Variants in BCORL1 observed in about 807,000 individuals in gnomAD.
The protein encoded by BCORL1 is BCL6 corepressor like 1, also known as BCL-6 corepressor-like protein 1.
BCORL1 carries 7 observed loss-of-function variants against 87.6 expected under a neutral mutation model. The observed-to-expected ratio is 0.08, with a 90% CI of 0.05 to 0.15. The LOEUF (loss-of-function observed/expected upper bound fraction) is 0.15. Among genes scored for constraint, BCORL1 ranks in the 10% least tolerant of loss-of-function variants. The pLI, the probability that BCORL1 is intolerant of heterozygous loss-of-function variation, is 1.00. For synonymous variants in BCORL1, 591 were observed against 634.4 expected (o/e 0.93, Z 1.03); for missense variants, 1,215 against 1,499.7 (o/e 0.81, Z 3.13).
At chrX:130,043,778 A>ATT (rs1378667985) in intron 11 of BCORL1, among the ~76,000 whole-genome samples, 2 of 21,880 alleles carry the variant, frequency 9.1e-5, no homozygotes, top group African/African-American at 3.4e-4. Context: ...ATATATATAT[A>ATT]TATATATTTT....
At position 130,025,249 on chromosome X, in the gene BCORL1, G is replaced by C; in HGVS notation, c.3948G>C (p.Glu1316Asp). ...EAARQMWDTN[E>D]EEEEEEEEGL... ...CCCGGCAAATGTGGGACACCAATGA[G>C]GAGGAGGAGGAAGAAGAGGAGGAGG... The change falls in exon 7 of 14, where the codon GAG becomes GAC. Residue 1316 changes from glutamate (E) to aspartate (D), a missense_variant. By Grantham distance (45) the Glu-to-Asp change is conservative. Transcript: ENST00000540052. 1 of 1,208,286 alleles carries C rather than the reference G, an allele frequency of 8.3e-7. No homozygotes were observed. Among genetic ancestry groups the C allele is most frequent in the African/African-American group, 1.7e-5 (1 of 57,625 alleles).
At chrX:130,023,669 C>T (rs1376015747) in intron 6 of BCORL1, among the ~76,000 whole-genome samples, 2 of 112,172 alleles carry the variant, frequency 1.8e-5, no homozygotes, top group Non-Finnish European at 3.8e-5. Flanking sequence ...AATTGGGGCT[C>T]ATAATGATGG....
intron 2 of BCORL1, among the ~76,000 whole-genome samples, chrX:130,012,156 G>C (rs754481936): frequency 4.5e-5 from 5 of 111,962 alleles, no homozygotes; most frequent in Non-Finnish European, 7.5e-5. Context: ...AAATAAGATT[G>C]TATTTAAAAG....
At chrX:129,989,504 T>C (rs1369405549) in intron 1 of BCORL1, among the ~76,000 whole-genome samples, 1 of 84,266 alleles carries the variant, frequency 1.2e-5, no homozygotes, top group Admixed American at 1.5e-4. Context: ...TCTAGCTCTG[T>C]TGCCCAGGCT....
In BCORL1 at chrX:130,043,746, TTA is replaced by T. The variant is rs55637661; in HGVS notation, c.4840+4502_4840+4503del. ...CCCGCCACCATGCCCAGCTAATTTG[TTA>T]TATATATATATATATATATATATAT... On this transcript the variant is annotated intron_variant, in intron 11 of 13. Coordinates refer to ENST00000540052, the MANE Select transcript of BCORL1 (RefSeq NM_001379451.1). Among the ~76,000 whole-genome samples, 72 of 17,466 alleles carry T rather than the reference TTA, an allele frequency of 4.1e-3. 1 individual carries two copies. Among genetic ancestry groups the T allele is most frequent in the South Asian group, 6.2e-3 (1 of 161 alleles). The allele number at this position is 17,466 out of a possible 115,157, so 15.2% of individuals were successfully genotyped here. A position where few individuals can be genotyped will look rare whatever the true frequency, so the allele number is the denominator to read the frequency against.
At chrX:130,011,304 C>A (rs1242582445) in intron 2 of BCORL1, among the ~76,000 whole-genome samples, 1 of 109,687 alleles carries the variant, frequency 9.1e-6, no homozygotes, top group Non-Finnish European at 1.9e-5. Flanking sequence ...GTGGTGGGAT[C>A]TCGGCTCACT....
intron 2 of BCORL1, 62 bp from the exon 3 acceptor site, chrX:130,012,516 A>AGGTGGTGT: frequency 1.0e-6 from 1 of 982,333 alleles, no homozygotes. Flanking sequence ...ATTCTGGGGA[A>AGGTGGTGT]GGTGGTGTTG....
At chrX:130,016,847 G>A (rs1312572806) in intron 4 of BCORL1, among the ~76,000 whole-genome samples, 1 of 111,849 alleles carries the variant, frequency 8.9e-6, no homozygotes, top group Non-Finnish European at 1.9e-5. Context: ...GCTATGGATG[G>A]TGGCAGAGTT....
At position 130,013,127 on chromosome X, in the gene BCORL1, G is replaced by A. The variant is rs751380690; in HGVS notation, c.355G>A (p.Gly119Arg). The A allele has an allele frequency of 2.5e-6, 3 of 1,210,673 alleles. No individual in the cohort carries two copies. The highest frequency in any genetic ancestry group is 3.4e-6 in the Non-Finnish European group (3 of 894,399). ...EGLLVPLSSP[G>R]DGLKLPASDS... ...CCTCTTGGTGCCCCTGAGCAGCCCA[G>A]GAGACGGGCTCAAGCTTCCCGCATC... The change falls in exon 4 of 14, where the codon GGA becomes AGA. Residue 119 changes from glycine to arginine, a missense_variant. Gly to Arg is a moderately radical substitution (Grantham distance 125). Around this residue, in one of 5 missense-constraint regions of BCORL1, gnomAD observed 861 missense variants for 1,010.0 expected, o/e 0.85. Transcript: ENST00000540052.
At chrX:130,030,670 C>T (rs373718580) in intron 8 of BCORL1, among the ~76,000 whole-genome samples, 73 of 111,210 alleles carry the variant, frequency 6.6e-4, no homozygotes, top group African/African-American at 2.3e-3. Context: ...AAAAGGTGGG[C>T]GTCTCAGGCT....
chrX:130,019,209 G>A (rs1046376409), intron 4 of BCORL1, among the ~76,000 whole-genome samples: 2 of 112,201 alleles, frequency 1.8e-5, no homozygotes, highest in African/African-American at 3.2e-5. Context: ...CAGGTGATCC[G>A]CTGGCCTTGG....
chrX:130,004,536 C>T (rs1448790623), intron 1 of BCORL1, among the ~76,000 whole-genome samples: 1 of 111,858 alleles, frequency 8.9e-6, no homozygotes, highest in African/African-American at 3.3e-5. Context: ...TGAGCCACCG[C>T]GCCCTGCCGA....
At chrX:130,017,482 C>T (rs1357515038) in intron 4 of BCORL1, among the ~76,000 whole-genome samples, 3 of 111,018 alleles carry the variant, frequency 2.7e-5, no homozygotes, top group African/African-American at 6.6e-5. Context: ...GTGAATGCTA[C>T]ACCAATCTAC....
chrX:130,003,639 G>A (rs1928245020), intron 1 of BCORL1, among the ~76,000 whole-genome samples: 1 of 111,514 alleles, frequency 9.0e-6, no homozygotes, highest in Non-Finnish European at 1.9e-5. Flanking sequence ...CCAAAGTGCT[G>A]GGATTACAGG....
chrX:130,005,932 C>T (rs1928455637), intron 2 of BCORL1, among the ~76,000 whole-genome samples: 2 of 110,766 alleles, frequency 1.8e-5, no homozygotes, highest in South Asian at 3.8e-4. Context: ...GCCTGGCCAG[C>T]GATTGCAGTT....
upstream of BCORL1, among the ~76,000 whole-genome samples, chrX:129,980,548 C>T (rs913593778): frequency 8.9e-6 from 1 of 112,140 alleles, no homozygotes; most frequent in East Asian, 2.9e-4. Context: ...GCAACACTGC[C>T]GGGACCGAGG....
intron 13 of BCORL1, among the ~76,000 whole-genome samples, 153 bp downstream of exon 13, chrX:130,052,169 T>C (rs1178000847): frequency 4.4e-5 from 5 of 112,421 alleles, no homozygotes; most frequent in African/African-American, 1.6e-4. Context: ...GTAGTCATGT[T>C]CAAACTAGAG....
chrX:130,009,161 T>C (rs539899507), intron 2 of BCORL1, among the ~76,000 whole-genome samples: 1 of 111,105 alleles, frequency 9.0e-6, no homozygotes, highest in South Asian at 3.8e-4. Flanking sequence ...GGTATTTCCC[T>C]GAGACAATAA....
rs1198983302 is a variant in BCORL1 at position 130,022,954 on chromosome X, G to C, written c.3665G>C (p.Ser1222Thr). 1 of 1,209,845 alleles carries C rather than the reference G, an allele frequency of 8.3e-7. No homozygotes were observed. Among genetic ancestry groups the C allele is most frequent in the Non-Finnish European group, 1.1e-6 (1 of 893,731 alleles). ...SFRDFIPVVL[S>T]TRTRSQSGSI... ...CGTGACTTTATTCCTGTGGTTCTGAGCACCCGCACGCGCAGTCAGTCTGGT... is the reference window on the plus strand; with the variant it reads ...CGTGACTTTATTCCTGTGGTTCTGACCACCCGCACGCGCAGTCAGTCTGGT... Residue 1222 changes from serine to threonine, a missense_variant, in exon 6 of 14, where the codon AGC becomes ACC. Around this residue, in one of 5 missense-constraint regions of BCORL1, gnomAD observed 4 missense variants for 20.6 expected, o/e 0.19. Transcript: ENST00000540052.
Sources: gnomAD v4.1 joint callset for allele counts (sites outside exome capture counted in the v4.1 genomes callset) on GRCh38, gnomAD v4.1.1 for gene constraint, gnomAD v4.1.1 regional missense constraint, MANE v1.5 for transcripts, NCBI Gene and HGNC (gene_info 2026-07-23, HGNC 2026-07-21) for gene names.